Variants in COL26A1 observed in about 807,000 individuals in gnomAD.
COL26A1 encodes the protein collagen alpha-1(XXVI) chain.
A neutral mutation model predicts 59.3 loss-of-function variants in COL26A1; 41 were observed. That is an observed-to-expected ratio of 0.69 (90% CI 0.54 to 0.90). The LOEUF is 0.90. Among genes scored for constraint, COL26A1 ranks in the 40% least tolerant of loss-of-function variants. The pLI is 0.00. For missense variants in COL26A1, 612 were observed against 602.3 expected (o/e 1.02, Z -0.17); for synonymous variants, 266 against 256.0 (o/e 1.04, Z -0.37).
intron 3 of COL26A1, among the ~76,000 whole-genome samples, chr7:101,474,207 A>G (rs1253733278): frequency 6.6e-6 from 1 of 152,228 alleles, no homozygotes; most frequent in African/African-American, 2.4e-5. Context: ...AAGGCCACAT[A>G]GATAGTAAGT....
At position 101,549,030 on chromosome 7, in the gene COL26A1, G is replaced by A. The variant is rs145457446; in HGVS notation, c.941-141G>A. ...GATGGAGACCTCGTTGAGAGGGGGT[G>A]TGCCTCCCTCCTCCCCACACCATTC... is the stretch of plus-strand genomic sequence containing the variant. On this transcript the variant is annotated intron_variant, in intron 8 of 12. Coordinates refer to ENST00000313669, the MANE Select transcript of COL26A1 (RefSeq NM_001278563.3). 510 of 488,254 alleles carry A rather than the reference G, an allele frequency of 1.0e-3. 1 individual carries two copies. The highest frequency in any genetic ancestry group is 9.1e-3 in the African/African-American group (446 of 49,222). The allele number at this position is 488,254 out of a possible 1,614,324, so 30.2% of individuals were successfully genotyped here.
intron 10 of COL26A1, among the ~76,000 whole-genome samples, chr7:101,551,729 G>C (rs1052746336): frequency 6.8e-6 from 1 of 147,356 alleles, no homozygotes; most frequent in African/African-American, 2.5e-5. Flanking sequence ...CTGGGTGACA[G>C]AGTGAGACTC....
intron 3 of COL26A1, among the ~76,000 whole-genome samples, chr7:101,491,730 C>T (rs1012255898): frequency 9.2e-5 from 14 of 152,196 alleles, no homozygotes; most frequent in African/African-American, 2.4e-4. Flanking sequence ...CTCTCATCGC[C>T]ATCTTGGTTT....
rs7776959 is a variant in COL26A1, at chr7:101,514,166, T to A, written c.386-18916T>A. ...GCCTGGCCAATATGGTGAAACCCTGTCCCTACTAAAAACACAAAAAAATTA... is the reference window on the plus strand; with the variant it reads ...GCCTGGCCAATATGGTGAAACCCTGACCCTACTAAAAACACAAAAAAATTA... On this transcript the variant is annotated intron_variant, in intron 3 of 12. Coordinates refer to ENST00000313669, the MANE Select transcript of COL26A1 (RefSeq NM_001278563.3). Among the ~76,000 whole-genome samples the A allele has an allele frequency of 8.0e-3, 1,218 of 151,956 alleles. 15 individuals carry two copies. The highest frequency in any genetic ancestry group is 0.011 in the Non-Finnish European group (772 of 67,960).
chr7:101,457,807 T>C (rs774012773), intron 3 of COL26A1, among the ~76,000 whole-genome samples: 2 of 152,198 alleles, frequency 1.3e-5, no homozygotes, highest in Non-Finnish European at 2.9e-5. Context: ...GTTTTACATA[T>C]ACATGTGTAG....
chr7:101,464,676 G>T (rs1793712868), intron 3 of COL26A1, among the ~76,000 whole-genome samples: 1 of 152,110 alleles, frequency 6.6e-6, no homozygotes, highest in African/African-American at 2.4e-5. Flanking sequence ...CTCCCAAAGT[G>T]CTGGAATTAC....
chr7:101,537,622 AG>A (rs1410818489), intron 4 of COL26A1, among the ~76,000 whole-genome samples: 1 of 152,148 alleles, frequency 6.6e-6, no homozygotes, highest in Admixed American at 6.5e-5. Flanking sequence ...CTCTGTGGGC[AG>A]GGGTGTCCCA....
At position 101,388,299 on chromosome 7, in the gene COL26A1, C is replaced by G. The variant is rs1208816470; in HGVS notation, c.158+25109C>G. On this transcript the variant is annotated intron_variant, in intron 1 of 12. Coordinates refer to ENST00000313669, the MANE Select transcript of COL26A1 (RefSeq NM_001278563.3). ...ACCAGCCTGGCCAACATGGTGAAAC[C>G]CTGTCTCCACTAAAAATACAAAAAA... Among the ~76,000 whole-genome samples, 28 of 151,684 alleles carry G rather than the reference C, an allele frequency of 1.8e-4. No individual in the cohort carries two copies. In the East Asian group the frequency reaches 5.1e-3, roughly 28 times the overall value.
At chr7:101,363,510 T>C in intron 1 of COL26A1, among the ~76,000 whole-genome samples, 1 of 76,720 alleles carries the variant, frequency 1.3e-5, no homozygotes, top group Non-Finnish European at 2.5e-5. Flanking sequence ...GGGCCTTGGG[T>C]GCAGGGCGAT....
At chr7:101,552,118 C>T (rs1478014374) in intron 10 of COL26A1, among the ~76,000 whole-genome samples, 2 of 152,220 alleles carry the variant, frequency 1.3e-5, no homozygotes, top group African/African-American at 4.8e-5. Context: ...CCAAACACAA[C>T]ACAGGAGACA....
chr7:101,512,682 C>T (rs1324613126), intron 3 of COL26A1, among the ~76,000 whole-genome samples: 3 of 152,152 alleles, frequency 2.0e-5, no homozygotes, highest in Non-Finnish European at 2.9e-5. Flanking sequence ...CCTCTGTGAC[C>T]ACCAAATATT....
In COL26A1 at chr7:101,508,664, C is replaced by T. The variant is rs944996354; in HGVS notation, c.386-24418C>T. On this transcript the variant is annotated intron_variant, in intron 3 of 12. Coordinates refer to ENST00000313669, the MANE Select transcript of COL26A1 (RefSeq NM_001278563.3). ...GCACAGAGAATCTTATTTACAGGAA[C>T]CCTCAGAGGATTCTCCCATCACTCA... is the stretch of plus-strand genomic sequence containing the variant. 3.3e-5 allele frequency among the ~76,000 whole-genome samples: 5 copies of T among 150,118 alleles called. No individual in the cohort carries two copies. In the East Asian group the frequency reaches 1.0e-3, roughly 30 times the overall value.
chr7:101,549,305 CT>C, intron 9 of COL26A1, 82 bp downstream of exon 9: 2 of 880,988 alleles, frequency 2.3e-6, no homozygotes, highest in Admixed American at 2.3e-5. Flanking sequence ...GAAGAAGCAC[CT>C]TTTTACCAGC....
In COL26A1 at chr7:101,370,366, T is replaced by G. The variant is rs569778346; in HGVS notation, c.158+7176T>G. Among the ~76,000 whole-genome samples, 6 of 152,104 alleles carry G rather than the reference T, an allele frequency of 3.9e-5. No individual in the cohort carries two copies. In the East Asian group the frequency reaches 1.2e-3, roughly 29 times the overall value. ...GACACACTGTTTGTTTTGTTGTTGT[T>G]GTTTGTTTTGTTTTTGTTTTTTGAG... On this transcript the variant is annotated intron_variant, in intron 1 of 12. Transcript: ENST00000313669.
intron 3 of COL26A1, among the ~76,000 whole-genome samples, chr7:101,492,348 CAACTACT>C (rs1187367323): frequency 6.6e-6 from 1 of 152,048 alleles, no homozygotes; most frequent in East Asian, 1.9e-4. Context: ...CCATGGCCAT[CAACTACT>C]GTCAAAATTA....
At chr7:101,467,679 A>G (rs1793796598) in intron 3 of COL26A1, among the ~76,000 whole-genome samples, 1 of 151,908 alleles carries the variant, frequency 6.6e-6, no homozygotes, top group Non-Finnish European at 1.5e-5. Flanking sequence ...CATCCTGGCT[A>G]ACACGGTGAA....
At position 101,420,231 on chromosome 7, in the gene COL26A1, T is replaced by C; in HGVS notation, c.281+132T>C. 3.8e-6 allele frequency: 4 copies of C among 1,043,074 alleles called. No homozygotes were observed. The South Asian group carries it at 5.8e-5, about 15-fold the overall frequency. The allele number at this position is 1,043,074 out of a possible 1,614,324, so 64.6% of individuals were successfully genotyped here. On this transcript the variant is annotated intron_variant, in intron 2 of 12. Coordinates refer to ENST00000313669, the MANE Select transcript of COL26A1 (RefSeq NM_001278563.3). ...GCTGAGCATGCATTTATGGAGCACC[T>C]TCTGTATATAAGGCATGGGTGTGTG... is the stretch of plus-strand genomic sequence containing the variant.
intron 3 of COL26A1, among the ~76,000 whole-genome samples, chr7:101,487,737 C>T (rs114675604): frequency 0.033 from 5,094 of 152,230 alleles, 102 homozygotes; most frequent in South Asian, 0.062. Context: ...GCCACCCTGC[C>T]CGTAAGATAA....
chr7:101,476,142 TTGTGTGTGTGTGTGTGTG>T (rs56666965), intron 3 of COL26A1, among the ~76,000 whole-genome samples: 57,791 of 146,132 alleles, frequency 0.4, 11,698 homozygotes, highest in Middle Eastern at 0.48. Flanking sequence ...TCCCAGCTAA[TTGTGTGTGTGTGTGTGTG>T]TGTGTGTGTG....
Sources: allele counts gnomAD v4.1 joint callset (sites outside exome capture counted in the v4.1 genomes callset), GRCh38; gene constraint gnomAD v4.1.1; transcripts MANE v1.5; gene names NCBI Gene and HGNC (gene_info 2026-07-23, HGNC 2026-07-21).